GRIK3: variants seen among roughly 807,000 people sequenced by gnomAD.
GRIK3 encodes glutamate receptor ionotropic, kainate 3.
In GRIK3, 29 loss-of-function variants were observed where a neutral mutation model predicts 102.5. The ratio of observed to expected loss-of-function variants is 0.28; its 90% CI spans 0.21 to 0.39. The LOEUF (loss-of-function observed/expected upper bound fraction) is 0.39. Among genes scored for constraint, GRIK3 ranks in the 10% least tolerant of loss-of-function variants. The probability of loss-of-function intolerance (pLI) is 1.00; values close to 1 mark genes in which losing one functional copy is unlikely to be tolerated. For synonymous variants in GRIK3, 511 were observed against 504.9 expected (o/e 1.01, Z -0.16); for missense variants, 908 against 1,252.4 (o/e 0.73, Z 4.15).
At chr1:36,936,797 T>A (rs568818029) in intron 1 of GRIK3, among the ~76,000 whole-genome samples, 4 of 141,568 alleles carry the variant, frequency 2.8e-5, no homozygotes, top group Non-Finnish European at 6.1e-5. Flanking sequence ...AAATGGAATG[T>A]CAGACTTTAA....
intron 1 of GRIK3, among the ~76,000 whole-genome samples, chr1:37,010,627 T>C (rs1642584586): frequency 6.6e-6 from 1 of 152,114 alleles, no homozygotes; most frequent in African/African-American, 2.4e-5. Context: ...CCGGCTGTAA[T>C]GCTTGTAGAA....
At chr1:36,818,239 A>G (rs984531205) in intron 12 of GRIK3, among the ~76,000 whole-genome samples, 4 of 152,230 alleles carry the variant, frequency 2.6e-5, no homozygotes, top group African/African-American at 9.6e-5. Flanking sequence ...GAATAGCAGC[A>G]GGAGGTGGAA....
Position 36,859,975 on chromosome 1 carries a change from C to G in GRIK3, c.829G>C (p.Val277Leu). 6.2e-7 allele frequency: 1 copy of G among 1,611,746 alleles called. No homozygotes were observed. The change falls in exon 6 of 16, where the codon GTG becomes CTG. Residue 277 changes from valine (V) to leucine (L), a missense_variant. Val to Leu is a conservative substitution (Grantham distance 32). Around this residue, in one of 3 missense-constraint regions of GRIK3, gnomAD observed 585 missense variants for 824.9 expected, o/e 0.71. Transcript: ENST00000373091. ...LDLEPYRYSG[V>L]NLTGFRILNV... is the part of the protein sequence containing the mutation. Reference sequence around the variant, plus strand: ...AGAATCCGGAATCCTGTCAGGTTCACGCCTGAGTAGCGGTAGGGCTCCAGG... The same window carrying G: ...AGAATCCGGAATCCTGTCAGGTTCAGGCCTGAGTAGCGGTAGGGCTCCAGG...
At chr1:36,902,183 T>C (rs1340427513) in intron 1 of GRIK3, among the ~76,000 whole-genome samples, 1 of 152,146 alleles carries the variant, frequency 6.6e-6, no homozygotes, top group Non-Finnish European at 1.5e-5. Flanking sequence ...TACAGTGCAA[T>C]CCCAATCAAA....
chr1:36,887,977 C>A (rs957362993), intron 2 of GRIK3, among the ~76,000 whole-genome samples: 1 of 152,022 alleles, frequency 6.6e-6, no homozygotes, highest in Non-Finnish European at 1.5e-5. Context: ...GACTGTGCAG[C>A]AGCTTTGGAT....
chr1:36,845,062 C>T (rs1640504691), intron 9 of GRIK3, among the ~76,000 whole-genome samples: 1 of 152,196 alleles, frequency 6.6e-6, no homozygotes, highest in Non-Finnish European at 1.5e-5. Flanking sequence ...TCGGGAAGTG[C>T]TTTGCGGATG....
chr1:36,963,094 C>G (rs1557443495), intron 1 of GRIK3, among the ~76,000 whole-genome samples: 2 of 151,992 alleles, frequency 1.3e-5, no homozygotes, highest in African/African-American at 4.8e-5. Flanking sequence ...ATTAGCCAAC[C>G]CCGAGGTCAG....
chr1:37,033,444 G>C lies in GRIK3; in HGVS notation c.115+550C>G, dbSNP rs141002862. Among the ~76,000 whole-genome samples, 908 of 152,286 alleles carry C rather than the reference G, an allele frequency of 6.0e-3. 8 individuals carry two copies. Among genetic ancestry groups the C allele is most frequent in the African/African-American group, 0.019 (804 of 41,570 alleles). On this transcript the variant is annotated intron_variant, in intron 1 of 15. Coordinates refer to ENST00000373091, the MANE Select transcript of GRIK3 (RefSeq NM_000831.4). ...CCCCAACCCCCGCCCCATGGCACGG[G>C]GCTGAACCGGTACCACCGAGGCCAA...
intron 1 of GRIK3, among the ~76,000 whole-genome samples, chr1:36,967,279 G>A (rs1054756984): frequency 6.6e-6 from 1 of 152,236 alleles, no homozygotes; most frequent in Non-Finnish European, 1.5e-5. Context: ...GGGGGTATGT[G>A]CACCTCTGCC....
rs771720117 is a variant in GRIK3 at position 36,891,083 on chromosome 1, C to T, written c.129G>A (p.Glu43=). The part of the protein sequence containing the change: ...PHVIRIGGIF[E]YADGPNAQVM... ...CCTGGGCGTTGGGGCCGTCCGCATACTCGAAGATTCCTCCTGTGAAAGATG... is the reference window on the plus strand; with the variant it reads ...CCTGGGCGTTGGGGCCGTCCGCATATTCGAAGATTCCTCCTGTGAAAGATG... Residue 43 remains glutamate (E), a synonymous_variant, in exon 2 of 16, where the codon GAG becomes GAA. Transcript: ENST00000373091. The T allele has an allele frequency of 7.4e-6, 12 of 1,611,852 alleles. No homozygotes were observed. The African/African-American group carries it at 1.2e-4, about 16-fold the overall frequency.
chr1:36,917,801 C>T (rs1557724640), intron 1 of GRIK3, among the ~76,000 whole-genome samples: 2 of 152,136 alleles, frequency 1.3e-5, no homozygotes, highest in South Asian at 4.1e-4. Context: ...AAGAGGACAC[C>T]ACAGGAAAAT....
chr1:36,852,096 A>G (rs1169536254), intron 8 of GRIK3, among the ~76,000 whole-genome samples: 1 of 152,218 alleles, frequency 6.6e-6, no homozygotes, highest in Non-Finnish European at 1.5e-5. Context: ...GAGAACTCAT[A>G]GAGTTTGTGT....
intron 8 of GRIK3, among the ~76,000 whole-genome samples, chr1:36,851,063 T>C (rs1317800838): frequency 6.6e-6 from 1 of 152,198 alleles, no homozygotes; most frequent in African/African-American, 2.4e-5. Context: ...AAGATCCTTT[T>C]TGACCCAACT....
At chr1:36,857,152 C>T (rs1430489920) in intron 7 of GRIK3, among the ~76,000 whole-genome samples, 1 of 152,144 alleles carries the variant, frequency 6.6e-6, no homozygotes, top group East Asian at 1.9e-4. Context: ...GGTGAAGCTT[C>T]CAAGTCACTT....
intron 1 of GRIK3, among the ~76,000 whole-genome samples, chr1:36,944,672 G>A (rs181520112): frequency 5.9e-5 from 9 of 152,186 alleles, no homozygotes; most frequent in Non-Finnish European, 1.5e-5. Flanking sequence ...GTCCTCCACC[G>A]CACCCCCTTC....
At chr1:36,885,244 G>C (rs938324429) in intron 2 of GRIK3, among the ~76,000 whole-genome samples, 2 of 152,144 alleles carry the variant, frequency 1.3e-5, no homozygotes, top group Admixed American at 6.5e-5. Context: ...AGGGGATGAC[G>C]GGATGTCAGC....
chr1:36,908,218 C>T (rs370692727), intron 1 of GRIK3, among the ~76,000 whole-genome samples: 1 of 152,192 alleles, frequency 6.6e-6, no homozygotes, highest in African/African-American at 2.4e-5. Flanking sequence ...CCCATGCATC[C>T]GAATCCCTGC....
intron 11 of GRIK3, among the ~76,000 whole-genome samples, chr1:36,822,627 A>G (rs368550805): frequency 5.3e-5 from 8 of 152,320 alleles, no homozygotes; most frequent in African/African-American, 1.9e-4. Flanking sequence ...CTGTCTCCAC[A>G]GAGAAGGCTA....
chr1:37,014,911 C>T (rs1160210928), intron 1 of GRIK3, among the ~76,000 whole-genome samples: 1 of 139,328 alleles, frequency 7.2e-6, no homozygotes, highest in Non-Finnish European at 1.5e-5. Flanking sequence ...ATCTCTGTTT[C>T]TCTCTCTCTC....
Sources: allele counts gnomAD v4.1 joint callset (sites outside exome capture counted in the v4.1 genomes callset), GRCh38; gene constraint gnomAD v4.1.1; regional missense constraint gnomAD v4.1.1; transcripts MANE v1.5; gene names NCBI Gene and HGNC (gene_info 2026-07-23, HGNC 2026-07-21).